The following MDH2 variants were observed in gnomAD, a reference collection of about 807,000 sequenced individuals.
MDH2 encodes the protein malate dehydrogenase, mitochondrial.
In MDH2, 25 loss-of-function variants were observed where a neutral mutation model predicts 33.6. That is an observed-to-expected ratio of 0.74 (90% CI 0.54 to 1.04). The LOEUF is 1.04. MDH2 is among the 50% of genes least tolerant of loss of function. MDH2 has a pLI of 0.00. For synonymous variants in MDH2, 193 were observed against 188.7 expected, an observed-to-expected ratio of 1.02 and a Z score of -0.19; for missense variants, 432 against 445.0, an observed-to-expected ratio of 0.97 and a Z score of 0.26.
chr7:76,048,735 C>T (rs1469319307), intron 1 of MDH2: 1 of 1,232,244 alleles, frequency 8.1e-7, no homozygotes, highest in African/African-American at 1.6e-5. Flanking sequence ...TAGAATTCAG[C>T]GCTTCTGACC....
At chr7:76,051,200 C>G (rs6467989) in intron 1 of MDH2, among the ~76,000 whole-genome samples, 150,197 of 152,310 alleles carry the variant, frequency 0.99, 74,083 homozygotes, top group Middle Eastern at 1. Flanking sequence ...CTCAGTTTTT[C>G]ATATGTTCAA....
intron 2 of MDH2, 56 bp downstream of exon 2, chr7:76,055,054 C>T (rs574576746): frequency 3.3e-6 from 5 of 1,532,106 alleles, no homozygotes; most frequent in South Asian, 1.3e-5. Flanking sequence ...GGCCAGGATT[C>T]GAGTTTTGAG....
At chr7:76,054,185 G>A (rs577332915) in intron 1 of MDH2, among the ~76,000 whole-genome samples, 2 of 152,278 alleles carry the variant, frequency 1.3e-5, no homozygotes, top group African/African-American at 4.8e-5. Context: ...AGCCCGAGAT[G>A]ACAGATCTGA....
intron 7 of MDH2, 61 bp downstream of exon 7, chr7:76,064,499 G>T: frequency 7.2e-7 from 1 of 1,388,316 alleles, no homozygotes. Flanking sequence ...GCTCAGGGTT[G>T]GGGAGAAATG....
intron 1 of MDH2, 30 bp from the exon 2 acceptor site, chr7:76,054,800 T>C (rs1554585940): frequency 1.9e-6 from 3 of 1,613,514 alleles, no homozygotes; most frequent in African/African-American, 2.7e-5. Context: ...CATTTCCTCC[T>C]AAGAGTCCTT....
At chr7:76,056,028 A>T (rs1797767776) in intron 2 of MDH2, among the ~76,000 whole-genome samples, 1 of 152,042 alleles carries the variant, frequency 6.6e-6, no homozygotes. Context: ...GGGTTTCACC[A>T]TGTTGGCCAG....
At chr7:76,064,696 C>T (rs1798045937) in intron 7 of MDH2, 106 bp from the exon 8 acceptor site, 6 of 1,296,746 alleles carry the variant, frequency 4.6e-6, no homozygotes, top group Middle Eastern at 5.0e-4. Flanking sequence ...CTGAAATTCT[C>T]CACTGTCAGG....
chr7:76,059,475 G>A (rs916510053), intron 4 of MDH2, among the ~76,000 whole-genome samples: 17 of 152,180 alleles, frequency 1.1e-4, no homozygotes, highest in African/African-American at 3.1e-4. Flanking sequence ...GGTTTTTGCA[G>A]GTAGCTGCTT....
intron 5 of MDH2, among the ~76,000 whole-genome samples, chr7:76,062,577 C>G (rs949341547): frequency 2.0e-5 from 3 of 152,300 alleles, no homozygotes; most frequent in African/African-American, 7.2e-5. Context: ...GGTGGCTGTT[C>G]CCTCGCTACC....
chr7:76,060,417 T>C lies in MDH2; in HGVS notation c.474T>C (p.His158=). ...IPITAEVFKK[H]GVYNPNKIFG... ...TCACAGCAGAAGTTTTCAAGAAGCA[T>C]GGAGTGTACAACCCCAACAAAATCT... is the stretch of plus-strand genomic sequence containing the variant. The change falls in exon 5 of 9, where the codon CAT becomes CAC. Residue 158 remains histidine, a synonymous_variant. Transcript: ENST00000315758. 1.2e-6 allele frequency: 2 copies of C among 1,614,126 alleles called. No individual in the cohort carries two copies. The highest frequency in any genetic ancestry group is 1.7e-6 in the Non-Finnish European group (2 of 1,180,016).
Position 76,058,009 on chromosome 7 carries a change from T to C in MDH2, c.360T>C (p.Ile120=). 6.2e-7 allele frequency: 1 copy of C among 1,614,096 alleles called. No individual in the cohort carries two copies. ...ACCTGTTCAACACCAATGCCACGAT[T>C]GTGGCCACCCTGACCGCTGCCTGTG... ...RDDLFNTNAT[I]VATLTAACAQ... The change falls in exon 4 of 9, where the codon ATT becomes ATC. Residue 120 remains isoleucine, a synonymous_variant. Coordinates refer to ENST00000315758, the MANE Select transcript of MDH2 (RefSeq NM_005918.4).
In MDH2 at chr7:76,048,864, C is replaced by G. The variant is rs1295695703; in HGVS notation, c.66+638C>G. 5.4e-5 allele frequency: 63 copies of G among 1,171,758 alleles called. 1 individual carries two copies. In the Admixed American group the frequency reaches 2.3e-3, roughly 44 times the overall value. 72.6% of individuals were successfully genotyped at this position (1,171,758 alleles called of 1,614,324 possible). On this transcript the variant is annotated intron_variant, in intron 1 of 8. Transcript: ENST00000315758. ...CCCGCGACCACTTAAGCCTAGGAGC[C>G]TAGGCTATTTTTAGCCATCTTCTAG...
chr7:76,053,657 G>T (rs1413199708), intron 1 of MDH2, among the ~76,000 whole-genome samples: 1 of 152,210 alleles, frequency 6.6e-6, no homozygotes, highest in Non-Finnish European at 1.5e-5. Context: ...AGACTGTGCA[G>T]TGATGCTGTC....
At chr7:76,048,645 C>T in intron 1 of MDH2, 1 of 1,267,206 alleles carries the variant, frequency 7.9e-7, no homozygotes, top group Non-Finnish European at 9.9e-7. Context: ...TAAAAGAAAT[C>T]GTATACTTCC....
At chr7:76,056,244 G>T (rs1186453770) in intron 2 of MDH2, among the ~76,000 whole-genome samples, 1 of 152,162 alleles carries the variant, frequency 6.6e-6, no homozygotes, top group African/African-American at 2.4e-5. Flanking sequence ...AATGTAAGTT[G>T]CAGTACGTAT....
At position 76,063,571 on chromosome 7, in the gene MDH2, C is replaced by G. The variant is rs782403300; in HGVS notation, c.612C>G (p.Thr204=). 1.9e-6 allele frequency: 3 copies of G among 1,614,226 alleles called. No individual in the cohort carries two copies. Among genetic ancestry groups the G allele is most frequent in the Middle Eastern group, 1.6e-4 (1 of 6,062 alleles). ...VPVIGGHAGK[T]IIPLISQCTP... ...TCATTGGTGGCCATGCTGGGAAGAC[C>G]ATCATCCCCCTGATCTCTCAGGTAC... is the stretch of plus-strand genomic sequence containing the variant. The change falls in exon 6 of 9, where the codon ACC becomes ACG. Residue 204 remains threonine (T), a synonymous_variant. Transcript: ENST00000315758.
At position 76,064,917 on chromosome 7, in the gene MDH2, G is replaced by A. The variant is rs782317765; in HGVS notation, c.849G>A (p.Thr283=). 1.1e-5 allele frequency: 17 copies of A among 1,614,042 alleles called. No individual in the cohort carries two copies. In the Admixed American group the frequency reaches 1.2e-4, roughly 11 times the overall value. Residue 283 remains threonine, a synonymous_variant, in exon 8 of 9, where the codon ACG becomes ACA. Coordinates refer to ENST00000315758, the MANE Select transcript of MDH2 (RefSeq NM_005918.4). The part of the protein sequence containing the change: ...VECSFVKSQE[T]ECTYFSTPLL... ...GTTCCTTCGTTAAGTCACAGGAAAC[G>A]GAATGTACCTACTTCTCCACACCGC...
rs782068450 is a variant in MDH2, at chr7:76,064,441, A to G, written c.733+3A>G. On this transcript the variant is annotated splice_donor_region_variant and intron_variant, in intron 7 of 8. Coordinates refer to ENST00000315758, the MANE Select transcript of MDH2 (RefSeq NM_005918.4). ...GGTCAAGGCTAAAGCCGGAGCAGGT[A>G]GAGTCTCAGGCAGCCCCGGGGCTGG... The G allele has an allele frequency of 6.8e-6, 11 of 1,610,774 alleles. No individual in the cohort carries two copies. The highest frequency in any genetic ancestry group is 6.7e-5 in the African/African-American group (5 of 74,880).
intron 1 of MDH2, among the ~76,000 whole-genome samples, chr7:76,053,167 G>C (rs140478343): frequency 2.0e-5 from 3 of 152,326 alleles, no homozygotes; most frequent in East Asian, 1.9e-4. Flanking sequence ...TGATGTCTCT[G>C]ATAAGAAGGA....
Sources: allele counts gnomAD v4.1 joint callset (sites outside exome capture counted in the v4.1 genomes callset), GRCh38; gene constraint gnomAD v4.1.1; transcripts MANE v1.5; gene names NCBI Gene and HGNC (gene_info 2026-07-23, HGNC 2026-07-21).